The following ARHGEF28 variants were observed in gnomAD, a reference collection of about 807,000 sequenced individuals.
The protein encoded by ARHGEF28 is 190 kDa guanine nucleotide exchange factor.
Under a neutral mutation model 206.6 loss-of-function variants are expected in ARHGEF28, and 152 were observed. The observed-to-expected ratio is 0.74, with a 90% CI of 0.64 to 0.84. The LOEUF (loss-of-function observed/expected upper bound fraction) is 0.84, where lower values mean the gene tolerates loss of function less well. Ranked by LOEUF, ARHGEF28 falls within the 40% of genes least tolerant of loss-of-function variation. The pLI is 0.00. For missense variants in ARHGEF28, 2,028 were observed against 2,073.2 expected (o/e 0.98, Z 0.42); for synonymous variants, 763 against 776.4 (o/e 0.98, Z 0.29).
chr5:73,774,953 GTAAT>G (rs1753460908), intron 5 of ARHGEF28, among the ~76,000 whole-genome samples: 1 of 152,188 alleles, frequency 6.6e-6, no homozygotes, highest in Non-Finnish European at 1.5e-5. Context: ...GGAACTCAAT[GTAAT>G]TAATTTATAG....
intron 1 of ARHGEF28, among the ~76,000 whole-genome samples, chr5:73,647,494 C>T (rs1026033834): frequency 6.6e-6 from 1 of 152,104 alleles, no homozygotes; most frequent in Non-Finnish European, 1.5e-5. Flanking sequence ...TAGCGCTGTC[C>T]AATATTAATA....
chr5:73,839,479 G>C (rs560447618), intron 10 of ARHGEF28, among the ~76,000 whole-genome samples: 2 of 152,212 alleles, frequency 1.3e-5, no homozygotes, highest in South Asian at 4.1e-4. Context: ...CCTCACTCCA[G>C]ACTTGATGCC....
intron 16 of ARHGEF28, among the ~76,000 whole-genome samples, chr5:73,859,671 A>C (rs1216274530): frequency 6.6e-6 from 1 of 152,136 alleles, no homozygotes; most frequent in Admixed American, 6.5e-5. Flanking sequence ...ACATTTTTAG[A>C]GATTTGCTCC....
chr5:73,909,704 T>G lies in ARHGEF28; in HGVS notation c.4454T>G (p.Leu1485Arg). 6.5e-7 allele frequency: 1 copy of G among 1,530,910 alleles called. No individual in the cohort carries two copies. Among genetic ancestry groups the G allele is most frequent in the Non-Finnish European group, 8.8e-7 (1 of 1,137,640 alleles). The allele number at this position is 1,530,910 out of a possible 1,614,324, so 94.8% of individuals were successfully genotyped here. Residue 1485 changes from leucine (L) to arginine (R), a missense_variant, in exon 34 of 36, where the codon CTG becomes CGG. Leu to Arg is a moderately radical substitution (Grantham distance 102). This residue lies in a region of ARHGEF28 where 803 missense variants were observed against 768.0 expected (regional missense o/e 1.05). Transcript: ENST00000513042. The part of the protein sequence containing the change: ...RERECQSQEE[L>R]LLRSRGELDL... Reference sequence around the variant, plus strand: ...CGGGAGTGCCAGTCGCAGGAGGAGCTGCTGCTGCGGAGCCGGGGCGAGCTG... The same window carrying G: ...CGGGAGTGCCAGTCGCAGGAGGAGCGGCTGCTGCGGAGCCGGGGCGAGCTG...
chr5:73,802,044 C>G (rs716707), intron 9 of ARHGEF28, among the ~76,000 whole-genome samples: 3 of 152,106 alleles, frequency 2.0e-5, no homozygotes, highest in Non-Finnish European at 2.9e-5. Context: ...TGGAGTTCTA[C>G]TTTTATCTCA....
chr5:73,627,866 T>C (rs1274235930), intron 1 of ARHGEF28, among the ~76,000 whole-genome samples: 1 of 152,024 alleles, frequency 6.6e-6, no homozygotes, highest in East Asian at 1.9e-4. Context: ...GAACAGAGAA[T>C]CAGTGTTTGT....
intron 1 of ARHGEF28, among the ~76,000 whole-genome samples, chr5:73,629,632 A>G (rs1448809624): frequency 6.6e-6 from 1 of 152,140 alleles, no homozygotes; most frequent in African/African-American, 2.4e-5. Flanking sequence ...CTCAGGCACA[A>G]TAGTAATTTG....
chr5:73,894,951 G>A (rs184172938), intron 29 of ARHGEF28, among the ~76,000 whole-genome samples: 2 of 152,178 alleles, frequency 1.3e-5, no homozygotes, highest in Admixed American at 6.5e-5. Context: ...CGGCACAAAG[G>A]TCCTGGTGCA....
chr5:73,643,318 AAAT>A (rs1189634079), intron 1 of ARHGEF28, among the ~76,000 whole-genome samples: 3 of 152,222 alleles, frequency 2.0e-5, no homozygotes, highest in Non-Finnish European at 4.4e-5. Context: ...TTTATACTTC[AAAT>A]AATTTATTGA....
intron 2 of ARHGEF28, among the ~76,000 whole-genome samples, chr5:73,736,500 A>T (rs946224096): frequency 6.6e-6 from 1 of 152,192 alleles, no homozygotes; most frequent in Non-Finnish European, 1.5e-5. Flanking sequence ...TAATGAGATA[A>T]TTCACTTAGA....
intron 1 of ARHGEF28, among the ~76,000 whole-genome samples, chr5:73,681,764 A>C (rs2112241901): frequency 6.6e-6 from 1 of 152,282 alleles, no homozygotes; most frequent in Middle Eastern, 3.4e-3. Context: ...GCAGTGAGCC[A>C]AAATCATGCC....
chr5:73,699,362 G>A (rs541544705), intron 2 of ARHGEF28, among the ~76,000 whole-genome samples: 2 of 151,888 alleles, frequency 1.3e-5, no homozygotes, highest in African/African-American at 2.4e-5. Flanking sequence ...CAATAATAAG[G>A]GGAATCGAGA....
chr5:73,798,703 A>G (rs1441809548), intron 9 of ARHGEF28, among the ~76,000 whole-genome samples: 1 of 152,206 alleles, frequency 6.6e-6, no homozygotes, highest in African/African-American at 2.4e-5. Flanking sequence ...AAACAGAAGA[A>G]AAGAAGGTAG....
At chr5:73,923,975 A>G (rs1763665805) in intron 35 of ARHGEF28, among the ~76,000 whole-genome samples, 1 of 152,206 alleles carries the variant, frequency 6.6e-6, no homozygotes, top group Non-Finnish European at 1.5e-5. Flanking sequence ...CATAATTTAC[A>G]TAGAGTGAAA....
rs1371245588 is a variant in ARHGEF28, at chr5:73,867,957, G to A, written c.2234G>A (p.Arg745Lys). The change falls in exon 19 of 36, where the codon AGG (arginine) becomes AAG (lysine). Residue 745 changes from arginine (R) to lysine (K), a missense_variant. By Grantham distance (26) the Arg-to-Lys change is conservative (BLOSUM62 2). Transcript: ENST00000513042. ...SSVPVGLPTG[R>K]RETVGQVHPL... ...GTGCCTGTTGGATTGCCGACTGGAA[G>A]GAGGGAGACTGTGGGACAGGTCCAT... is the stretch of plus-strand genomic sequence containing the variant. 6.2e-7 allele frequency: 1 copy of A among 1,614,004 alleles called. No homozygotes were observed. Among genetic ancestry groups the A allele is most frequent in the Admixed American group, 1.7e-5 (1 of 60,024 alleles).
At chr5:73,688,637 G>T (rs893938891) in intron 2 of ARHGEF28, among the ~76,000 whole-genome samples, 5 of 151,778 alleles carry the variant, frequency 3.3e-5, no homozygotes, top group Non-Finnish European at 7.4e-5. Context: ...TTTTCTTTTT[G>T]GGGAGAGAGG....
At chr5:73,903,326 G>C (rs982768590) in intron 31 of ARHGEF28, 2 of 152,124 alleles carry the variant, frequency 1.3e-5, no homozygotes, top group Admixed American at 6.5e-5. Flanking sequence ...TTTATTTATT[G>C]AATGGCGTGC....
chr5:73,629,054 G>A (rs959473692), intron 1 of ARHGEF28, among the ~76,000 whole-genome samples: 2 of 152,112 alleles, frequency 1.3e-5, no homozygotes, highest in Non-Finnish European at 2.9e-5. Flanking sequence ...ACTAATATTT[G>A]TTGAAGTCTT....
At chr5:73,930,839 T>C (rs988571916) in intron 35 of ARHGEF28, among the ~76,000 whole-genome samples, 10 of 152,214 alleles carry the variant, frequency 6.6e-5, no homozygotes, top group African/African-American at 2.4e-4. Flanking sequence ...CTGGAAGTTT[T>C]GCCTTTAGGG....
Sources: allele counts gnomAD v4.1 joint callset (sites outside exome capture counted in the v4.1 genomes callset), GRCh38; gene constraint gnomAD v4.1.1; regional missense constraint gnomAD v4.1.1; transcripts MANE v1.5; gene names NCBI Gene and HGNC (gene_info 2026-07-23, HGNC 2026-07-21).